Variants in ARFGEF1 observed in about 807,000 individuals in gnomAD.
ARFGEF1 encodes the protein ARF guanine nucleotide exchange factor 1.
ARFGEF1 carries 42 observed loss-of-function variants against 231.0 expected under a neutral mutation model. The ratio of observed to expected loss-of-function variants is 0.18; its 90% CI spans 0.14 to 0.24. The LOEUF is 0.24. Ranked by LOEUF, ARFGEF1 falls within the 10% of genes least tolerant of loss-of-function variation. ARFGEF1 has a pLI of 1.00. For missense variants in ARFGEF1, 1,345 were observed against 2,192.0 expected (o/e 0.61, Z 7.72); for synonymous variants, 710 against 732.3 (o/e 0.97, Z 0.49).
intron 19 of ARFGEF1, among the ~76,000 whole-genome samples, chr8:67,249,374 A>G (rs1473045150): frequency 6.7e-6 from 1 of 150,350 alleles, no homozygotes; most frequent in Non-Finnish European, 1.5e-5. Flanking sequence ...AGGCTAAGCT[A>G]TAATGTTCTG....
intron 23 of ARFGEF1, among the ~76,000 whole-genome samples, chr8:67,228,878 A>G (rs1426117610): frequency 2.0e-5 from 3 of 152,090 alleles, no homozygotes; most frequent in African/African-American, 4.8e-5. Flanking sequence ...AAAAAATTTC[A>G]GCATAAACAC....
At chr8:67,274,312 T>G (rs1289319325) in intron 9 of ARFGEF1, among the ~76,000 whole-genome samples, 1 of 149,548 alleles carries the variant, frequency 6.7e-6, no homozygotes, top group African/African-American at 2.5e-5. Context: ...CTACGAAAGC[T>G]TGACTTTTGG....
At chr8:67,255,840 C>CG (rs528078584) in intron 17 of ARFGEF1, among the ~76,000 whole-genome samples, 1 of 152,190 alleles carries the variant, frequency 6.6e-6, no homozygotes, top group Non-Finnish European at 1.5e-5. Flanking sequence ...ATGCTAAAGA[C>CG]GGGACACTGT....
At chr8:67,281,080 CAA>C (rs1187133402) in intron 7 of ARFGEF1, among the ~76,000 whole-genome samples, 12 of 147,860 alleles carry the variant, frequency 8.1e-5, no homozygotes, top group Admixed American at 8.0e-4. Flanking sequence ...ATTACTGAAA[CAA>C]AAACTACACT....
At chr8:67,211,257 T>C (rs996794398) in intron 34 of ARFGEF1, among the ~76,000 whole-genome samples, 2 of 150,452 alleles carry the variant, frequency 1.3e-5, no homozygotes, top group African/African-American at 4.9e-5. Flanking sequence ...GGCAGAAGAA[T>C]TGCTTGAACC....
chr8:67,337,128 C>CAAAAAAAA (rs1160016610), intron 1 of ARFGEF1, among the ~76,000 whole-genome samples: 6 of 54,984 alleles, frequency 1.1e-4, no homozygotes, highest in African/African-American at 3.7e-4. Context: ...GACGCCGTCT[C>CAAAAAAAA]AAAAAAAAAA....
chr8:67,277,224 G>T, intron 8 of ARFGEF1, 58 bp downstream of exon 8: 1 of 1,529,116 alleles, frequency 6.5e-7, no homozygotes, highest in Non-Finnish European at 9.0e-7. Context: ...GGTGGTGGTA[G>T]CCTATAAATT....
chr8:67,211,345 CAAAA>C (rs375793043), intron 34 of ARFGEF1, 134 bp downstream of exon 34: 1,181 of 245,886 alleles, frequency 4.8e-3, no homozygotes, highest in Middle Eastern at 6.9e-3. Flanking sequence ...AACTCCGTCT[CAAAA>C]AAAAAAAAAA....
chr8:67,313,062 C>T (rs998533066), intron 1 of ARFGEF1, among the ~76,000 whole-genome samples: 5 of 152,100 alleles, frequency 3.3e-5, no homozygotes, highest in African/African-American at 1.2e-4. Flanking sequence ...CCCTTATATA[C>T]AAATATTACA....
chr8:67,244,634 GAAGA>G (rs1840049649), intron 19 of ARFGEF1, among the ~76,000 whole-genome samples: 2 of 149,426 alleles, frequency 1.3e-5, no homozygotes, highest in Non-Finnish European at 3.0e-5. Context: ...TGATCAAGCA[GAAGA>G]AAGAATTAGT....
chr8:67,235,941 T>C (rs564634095), intron 22 of ARFGEF1, among the ~76,000 whole-genome samples: 60 of 152,086 alleles, frequency 3.9e-4, no homozygotes, highest in Middle Eastern at 3.4e-3. Flanking sequence ...GTATGATAAA[T>C]ATATACTCAA....
intron 34 of ARFGEF1, among the ~76,000 whole-genome samples, chr8:67,207,487 A>G (rs1389238210): frequency 2.0e-5 from 3 of 152,218 alleles, no homozygotes; most frequent in South Asian, 2.1e-4. Flanking sequence ...CAAGGACCAG[A>G]AGCACATTTG....
intron 7 of ARFGEF1, among the ~76,000 whole-genome samples, chr8:67,280,079 G>T (rs1263302972): frequency 6.6e-6 from 1 of 152,130 alleles, no homozygotes; most frequent in South Asian, 2.1e-4. Flanking sequence ...AGGAATCCTA[G>T]AAAGTAGGTT....
chr8:67,295,230 G>A (rs1806179529), intron 5 of ARFGEF1, among the ~76,000 whole-genome samples: 1 of 152,116 alleles, frequency 6.6e-6, no homozygotes, highest in Non-Finnish European at 1.5e-5. Context: ...TCCACTGACA[G>A]ATATTAAAAC....
chr8:67,256,345 T>C (rs1840453262), intron 17 of ARFGEF1, among the ~76,000 whole-genome samples: 1 of 152,212 alleles, frequency 6.6e-6, no homozygotes, highest in Non-Finnish European at 1.5e-5. Context: ...AAATGCATAG[T>C]TGCTCAATAT....
chr8:67,218,514 G>T (rs887948770), intron 30 of ARFGEF1, among the ~76,000 whole-genome samples: 1 of 151,728 alleles, frequency 6.6e-6, no homozygotes. Flanking sequence ...AACATGAAAG[G>T]GAAATAAAGA....
At chr8:67,216,933 A>C (rs974787948) in intron 32 of ARFGEF1, among the ~76,000 whole-genome samples, 1 of 152,054 alleles carries the variant, frequency 6.6e-6, no homozygotes, top group Non-Finnish European at 1.5e-5. Context: ...GATAAGTTTT[A>C]AAGATTTCAG....
At chr8:67,243,992 C>T (rs1431655129) in intron 19 of ARFGEF1, among the ~76,000 whole-genome samples, 1 of 151,948 alleles carries the variant, frequency 6.6e-6, no homozygotes, top group African/African-American at 2.4e-5. Flanking sequence ...GTAATCCCAG[C>T]ACTTTGGGAG....
intron 14 of ARFGEF1, 109 bp from the exon 15 acceptor site, chr8:67,260,035 T>C (rs1840590197): frequency 1.6e-6 from 1 of 625,446 alleles, no homozygotes; most frequent in Non-Finnish European, 2.8e-6. Flanking sequence ...TAGTAGCTTA[T>C]TTAATACACA....
Sources: gnomAD v4.1 joint callset for allele counts (sites outside exome capture counted in the v4.1 genomes callset) on GRCh38, gnomAD v4.1.1 for gene constraint, MANE v1.5 for transcripts, NCBI Gene and HGNC (gene_info 2026-07-23, HGNC 2026-07-21) for gene names.